GPR149: variants seen among roughly 807,000 people sequenced by gnomAD.
GPR149 encodes the protein G protein-coupled receptor 149, also known as probable G protein-coupled receptor 149.
A neutral mutation model predicts 50.2 loss-of-function variants in GPR149; 50 were observed. The ratio of observed to expected loss-of-function variants is 1.00; its 90% confidence interval spans 0.79 to 1.26. The LOEUF (loss-of-function observed/expected upper bound fraction) is 1.26. GPR149 is among the 50% of genes most tolerant of loss of function. The pLI is 0.00. For synonymous variants in GPR149, 405 were observed against 358.2 expected (o/e 1.13, Z -1.48); for missense variants, 983 against 895.4 (o/e 1.10, Z -1.25).
chr3:154,402,096 AT>A (rs752140315), intron 3 of GPR149, among the ~76,000 whole-genome samples: 3 of 152,220 alleles, frequency 2.0e-5, no homozygotes, highest in Non-Finnish European at 4.4e-5. Context: ...CAAATTTAAA[AT>A]AAAAATAATG....
chr3:154,357,563 A>T (rs971888813), intron 3 of GPR149, among the ~76,000 whole-genome samples: 8 of 152,254 alleles, frequency 5.3e-5, no homozygotes, highest in Non-Finnish European at 1.0e-4. Context: ...TGGCCATCAG[A>T]GAAATGAAAA....
chr3:154,421,823 C>A (rs1441791509), intron 2 of GPR149, among the ~76,000 whole-genome samples: 1 of 151,608 alleles, frequency 6.6e-6, no homozygotes, highest in Non-Finnish European at 1.5e-5. Flanking sequence ...CTTAGTCTAC[C>A]AATGATTTTG....
intron 3 of GPR149, among the ~76,000 whole-genome samples, chr3:154,412,174 C>A (rs1193806505): frequency 2.0e-5 from 3 of 152,002 alleles, no homozygotes; most frequent in African/African-American, 7.2e-5. Context: ...AAACCCTCAG[C>A]AAAATCAGCA....
intron 3 of GPR149, among the ~76,000 whole-genome samples, chr3:154,415,108 G>A (rs1034147516): frequency 2.7e-5 from 4 of 150,912 alleles, no homozygotes; most frequent in African/African-American, 9.7e-5. Context: ...TTTAAAAAAT[G>A]TAGTGAGTTC....
At chr3:154,373,319 G>A (rs1487307205) in intron 3 of GPR149, among the ~76,000 whole-genome samples, 1 of 152,124 alleles carries the variant, frequency 6.6e-6, no homozygotes, top group Non-Finnish European at 1.5e-5. Flanking sequence ...CCCTGGAAGA[G>A]CAGGGAACAC....
intron 3 of GPR149, among the ~76,000 whole-genome samples, chr3:154,344,353 G>T (rs961527225): frequency 6.6e-6 from 1 of 152,126 alleles, no homozygotes; most frequent in Non-Finnish European, 1.5e-5. Context: ...TTCAAAAAGA[G>T]ACTTCAAAAG....
At chr3:154,400,969 A>G (rs1433046753) in intron 3 of GPR149, among the ~76,000 whole-genome samples, 8 of 152,232 alleles carry the variant, frequency 5.3e-5, no homozygotes, top group African/African-American at 1.7e-4. Flanking sequence ...TTACACTAAA[A>G]TATTATAGAA....
intron 3 of GPR149, among the ~76,000 whole-genome samples, chr3:154,399,779 G>T (rs970250676): frequency 3.3e-5 from 5 of 152,110 alleles, no homozygotes; most frequent in African/African-American, 1.2e-4. Flanking sequence ...TTACCAAAGA[G>T]CAAGGAAACA....
chr3:154,343,203 T>C (rs1482755891), intron 3 of GPR149, among the ~76,000 whole-genome samples: 1 of 152,122 alleles, frequency 6.6e-6, no homozygotes, highest in East Asian at 1.9e-4. Flanking sequence ...TAAGCATGTA[T>C]AGGAATGAAA....
At chr3:154,362,333 G>A (rs542782497) in intron 3 of GPR149, among the ~76,000 whole-genome samples, 1 of 151,142 alleles carries the variant, frequency 6.6e-6, no homozygotes, top group South Asian at 2.1e-4. Flanking sequence ...ATGTCACATG[G>A]AGCAAACACT....
chr3:154,397,236 G>A (rs1715314227), intron 3 of GPR149, among the ~76,000 whole-genome samples: 1 of 152,102 alleles, frequency 6.6e-6, no homozygotes, highest in Non-Finnish European at 1.5e-5. Flanking sequence ...AACAGAGCAA[G>A]AATCAAATTT....
At chr3:154,428,335 G>T (rs1712368241) in intron 1 of GPR149, among the ~76,000 whole-genome samples, 1 of 152,172 alleles carries the variant, frequency 6.6e-6, no homozygotes, top group Admixed American at 6.5e-5. Context: ...ATTTTGCTGT[G>T]TGAGACAATA....
At chr3:154,398,569 C>T (rs189133397) in intron 3 of GPR149, among the ~76,000 whole-genome samples, 4 of 151,978 alleles carry the variant, frequency 2.6e-5, no homozygotes, top group African/African-American at 9.7e-5. Flanking sequence ...GAACAGGAAG[C>T]TTTGAGTACA....
chr3:154,395,583 G>A (rs1184094409), intron 3 of GPR149, among the ~76,000 whole-genome samples: 1 of 152,038 alleles, frequency 6.6e-6, no homozygotes, highest in African/African-American at 2.4e-5. Context: ...GAGCCTAGGA[G>A]TTGGAGCCCA....
intron 3 of GPR149, among the ~76,000 whole-genome samples, chr3:154,365,955 C>T (rs1281766481): frequency 6.6e-6 from 1 of 152,196 alleles, no homozygotes; most frequent in Non-Finnish European, 1.5e-5. Context: ...GCAATCTAGG[C>T]TTTTTCTAGC....
At chr3:154,344,907 T>C (rs1041549106) in intron 3 of GPR149, among the ~76,000 whole-genome samples, 3 of 152,248 alleles carry the variant, frequency 2.0e-5, no homozygotes, top group African/African-American at 7.2e-5. Context: ...CTTGGGAAAC[T>C]AATTCAATTT....
At chr3:154,355,913 A>C (rs960960717) in intron 3 of GPR149, among the ~76,000 whole-genome samples, 16 of 152,228 alleles carry the variant, frequency 1.1e-4, no homozygotes, top group African/African-American at 3.6e-4. Context: ...AAGGTGTTAA[A>C]GTTTACATTG....
intron 3 of GPR149, chr3:154,352,523 A>G (rs701133): frequency 0.89 from 692,143 of 775,108 alleles, 310,166 homozygotes; most frequent in East Asian, 1. Context: ...TTAGCTTTCT[A>G]TTAAGTTCTT....
Position 154,421,380 on chromosome 3 carries a change from G to A in GPR149, c.1282C>T (p.His428Tyr). The A allele has an allele frequency of 1.9e-6, 3 of 1,612,490 alleles. No individual in the cohort carries two copies. The highest frequency in any genetic ancestry group is 2.5e-6 in the Non-Finnish European group (3 of 1,178,948). ...TCACACTCAGAGTTCATCAGGTTGTGATAGAATATGGAATTTTCATCATCA... is the reference window on the plus strand; with the variant it reads ...TCACACTCAGAGTTCATCAGGTTGTAATAGAATATGGAATTTTCATCATCA... ...YDDDENSIFYHNLMNSECETT... is the reference protein window; with the variant it reads ...YDDDENSIFYYNLMNSECETT... Residue 428 changes from histidine (H) to tyrosine (Y), a missense_variant, in exon 3 of 4, where the codon CAC becomes TAC. By Grantham distance (83) the His-to-Tyr change is moderately conservative. Transcript: ENST00000389740.
Sources: allele counts gnomAD v4.1 joint callset (sites outside exome capture counted in the v4.1 genomes callset), GRCh38; gene constraint gnomAD v4.1.1; transcripts MANE v1.5; gene names NCBI Gene and HGNC (gene_info 2026-07-23, HGNC 2026-07-21).